Variants in TMCC3 observed in about 807,000 individuals in gnomAD.
TMCC3 encodes transmembrane and coiled-coil domain family 3, also known as transmembrane and coiled-coil domain protein 3.
TMCC3 carries 28 observed loss-of-function variants against 40.2 expected under a neutral mutation model. The observed-to-expected ratio is 0.70, with a 90% CI of 0.52 to 0.95. The LOEUF is 0.95. Among genes scored for constraint, TMCC3 ranks in the 40% least tolerant of loss-of-function variants. The pLI is 0.00. For missense variants in TMCC3, 554 were observed against 615.2 expected, an observed-to-expected ratio of 0.90 and a Z score of 1.05; for synonymous variants, 255 against 248.5, an observed-to-expected ratio of 1.03 and a Z score of -0.25.
chr12:94,644,402 C>T, intron 1 of TMCC3: 1 of 985,398 alleles, frequency 1.0e-6, no homozygotes, highest in African/African-American at 1.7e-5. Flanking sequence ...ACCTTAGCAG[C>T]AGTCCTGGAG....
At chr12:94,602,390 A>G (rs1040019409) in intron 1 of TMCC3, among the ~76,000 whole-genome samples, 2 of 152,232 alleles carry the variant, frequency 1.3e-5, no homozygotes, top group Non-Finnish European at 2.9e-5. Flanking sequence ...GGAACATCAA[A>G]AGTTTAAGAC....
chr12:94,599,234 A>G (rs112569439), intron 1 of TMCC3, among the ~76,000 whole-genome samples: 2,312 of 152,300 alleles, frequency 0.015, 55 homozygotes, highest in African/African-American at 0.053. Context: ...AGGGTCTTGT[A>G]CAGAGTAAGT....
At chr12:94,644,468 T>C in intron 1 of TMCC3, 1 of 984,440 alleles carries the variant, frequency 1.0e-6, no homozygotes, top group Non-Finnish European at 1.2e-6. Flanking sequence ...TGGTAGCAGC[T>C]GTCTTGGTGA....
chr12:94,571,789 C>T, intron 3 of TMCC3, 52 bp from the exon 4 acceptor site: 1 of 1,579,812 alleles, frequency 6.3e-7, no homozygotes, highest in South Asian at 1.1e-5. Context: ...TGGTGAGCAA[C>T]ACGTGAGTGC....
rs760929785 is a variant in TMCC3 at position 94,578,548 on chromosome 12, G to A, written c.996-19C>T. ...CTCATACCTTTAAAAGAGAGGAGCC[G>A]ATTCCCAGTGTGACCTTTCACAGCA... On this transcript the variant is annotated intron_variant, in intron 2 of 3. Transcript: ENST00000261226. 1.0e-5 allele frequency: 16 copies of A among 1,606,628 alleles called. No individual in the cohort carries two copies. Among genetic ancestry groups the A allele is most frequent in the African/African-American group, 1.3e-5 (1 of 74,770 alleles).
intron 1 of TMCC3, among the ~76,000 whole-genome samples, chr12:94,597,166 A>ATATATATATATATATATATAT (rs1491007129): frequency 3.3e-5 from 3 of 91,038 alleles, no homozygotes; most frequent in East Asian, 3.1e-4. Context: ...TATGTATATA[A>ATATATATATATATATATATAT]ATTAGCCAGG....
chr12:94,599,151 C>T (rs904413630), intron 1 of TMCC3, among the ~76,000 whole-genome samples: 3 of 152,218 alleles, frequency 2.0e-5, no homozygotes, highest in African/African-American at 7.2e-5. Context: ...CTTTGATTTT[C>T]TCATCTGTAA....
intron 1 of TMCC3, among the ~76,000 whole-genome samples, chr12:94,649,849 A>G (rs985496452): frequency 6.6e-6 from 1 of 152,258 alleles, no homozygotes; most frequent in Non-Finnish European, 1.5e-5. Context: ...ACTTGGGCAG[A>G]GCCCGTCCGC....
At chr12:94,624,738 G>C (rs2068894195) in intron 1 of TMCC3, among the ~76,000 whole-genome samples, 1 of 151,588 alleles carries the variant, frequency 6.6e-6, no homozygotes, top group Non-Finnish European at 1.5e-5. Flanking sequence ...ATATTGTTCA[G>C]CCATAAAAAG....
intron 1 of TMCC3, among the ~76,000 whole-genome samples, chr12:94,592,661 C>CAAAAAAAAAAAAGAAAAAAA: frequency 3.6e-5 from 1 of 27,496 alleles, no homozygotes; most frequent in Non-Finnish European, 6.8e-5. Context: ...GGCTCCATCT[C>CAAAAAAAAAAAAGAAAAAAA]AAAAAAAAAA....
chr12:94,616,677 G>A (rs2068849917), intron 1 of TMCC3, among the ~76,000 whole-genome samples: 1 of 152,168 alleles, frequency 6.6e-6, no homozygotes, highest in South Asian at 2.1e-4. Flanking sequence ...TGCTAAGGGG[G>A]AGATAAGAGG....
intron 2 of TMCC3, among the ~76,000 whole-genome samples, chr12:94,580,046 C>T (rs2068590861): frequency 6.6e-6 from 1 of 152,034 alleles, no homozygotes; most frequent in African/African-American, 2.4e-5. Flanking sequence ...TTGAAAAGGC[C>T]ACATTTCTAA....
chr12:94,588,612 A>G (rs892216557), intron 1 of TMCC3, among the ~76,000 whole-genome samples: 1 of 152,226 alleles, frequency 6.6e-6, no homozygotes, highest in African/African-American at 2.4e-5. Flanking sequence ...GCATAGGTCC[A>G]CAAGGACCTG....
intron 1 of TMCC3, among the ~76,000 whole-genome samples, chr12:94,623,331 G>A (rs1000709119): frequency 6.6e-6 from 1 of 152,008 alleles, no homozygotes; most frequent in African/African-American, 2.4e-5. Flanking sequence ...GCACTTTTAC[G>A]TCATCACGTC....
At chr12:94,578,137 G>A (rs1197933386) in intron 3 of TMCC3, among the ~76,000 whole-genome samples, 65 of 54,674 alleles carry the variant, frequency 1.2e-3, no homozygotes, top group Admixed American at 6.5e-3. Flanking sequence ...CACAGAGCGA[G>A]ACTCACCTCA....
At chr12:94,604,241 A>G (rs946107869) in intron 1 of TMCC3, among the ~76,000 whole-genome samples, 2 of 152,226 alleles carry the variant, frequency 1.3e-5, no homozygotes, top group Admixed American at 1.3e-4. Flanking sequence ...TAGAAAGCCA[A>G]TGTTTCTCAA....
At chr12:94,597,134 T>C (rs1255766044) in intron 1 of TMCC3, among the ~76,000 whole-genome samples, 1 of 10,508 alleles carries the variant, frequency 9.5e-5, no homozygotes, top group Non-Finnish European at 3.8e-4. Flanking sequence ...CATATATATA[T>C]ATATATATAT....
intron 3 of TMCC3, among the ~76,000 whole-genome samples, chr12:94,574,315 G>A (rs931477415): frequency 1.3e-5 from 2 of 151,848 alleles, no homozygotes; most frequent in African/African-American, 4.8e-5. Context: ...TTGAACCCAG[G>A]AGGCGGAGGT....
In TMCC3 at chr12:94,571,692, G is replaced by A. The variant is rs1236810871; in HGVS notation, c.1177C>T (p.His393Tyr). 2 of 1,614,144 alleles carry A rather than the reference G, an allele frequency of 1.2e-6. No homozygotes were observed. Among genetic ancestry groups the A allele is most frequent in the Non-Finnish European group, 8.5e-7 (1 of 1,180,030 alleles). ...TGCAGAGCTTGCTGCTCTTGCTGGT[G>A]GAGCTCCAGCTTAGAAATGCGAGTC... is the stretch of plus-strand genomic sequence containing the variant. The part of the protein sequence containing the change: ...CQTRISKLEL[H>Y]QQEQQALQTD... Residue 393 changes from histidine (H) to tyrosine (Y), a missense_variant, in exon 4 of 4, where the codon CAC becomes TAC. Physicochemically the swap from His to Tyr is moderately conservative, Grantham distance 83. Transcript: ENST00000261226.
Sources: gnomAD v4.1 joint callset for allele counts (sites outside exome capture counted in the v4.1 genomes callset) on GRCh38, gnomAD v4.1.1 for gene constraint, MANE v1.5 for transcripts, NCBI Gene and HGNC (gene_info 2026-07-23, HGNC 2026-07-21) for gene names.